The following STAT4 variants were observed in gnomAD, a reference collection of about 807,000 sequenced individuals.
The protein encoded by STAT4 is signal transducer and activator of transcription 4.
In STAT4, 42 loss-of-function variants were observed where a neutral mutation model predicts 110.5. The ratio of observed to expected loss-of-function variants is 0.38; its 90% CI spans 0.30 to 0.49. The LOEUF is 0.49. Ranked by LOEUF, STAT4 falls within the 20% of genes least tolerant of loss-of-function variation. STAT4 has a pLI of 0.95. For missense variants in STAT4, 632 were observed against 887.9 expected (o/e 0.71, Z 3.66); for synonymous variants, 284 against 302.2 (o/e 0.94, Z 0.63).
chr2:191,102,683 G>A (rs1698176484), intron 3 of STAT4, among the ~76,000 whole-genome samples: 1 of 152,148 alleles, frequency 6.6e-6, no homozygotes, highest in Admixed American at 6.6e-5. Flanking sequence ...TGGAGTAAAA[G>A]TTAAGCTTTT....
rs1698106919 is a variant in STAT4, at chr2:191,099,769, G to A, written c.274-23444C>T. ...CGGATGTCTTTGAAGGTAGTGGTGT[G>A]GATGGAGGTAAGGAAAAAAGAAGTG... is the stretch of plus-strand genomic sequence containing the variant. On this transcript the variant is annotated intron_variant, in intron 3 of 23. Coordinates refer to ENST00000392320, the MANE Select transcript of STAT4 (RefSeq NM_003151.4). The surrounding 1 kb of genome is among the most constrained non-coding windows in gnomAD (Gnocchi z 4.1). Among the ~76,000 whole-genome samples the A allele has an allele frequency of 6.6e-6, 1 of 151,082 alleles. No homozygotes were observed. The highest frequency in any genetic ancestry group is 2.1e-4 in the South Asian group (1 of 4,750).
chr2:191,127,982 A>C (rs1003618948), intron 3 of STAT4, among the ~76,000 whole-genome samples: 7 of 152,208 alleles, frequency 4.6e-5, no homozygotes, highest in African/African-American at 1.4e-4. Flanking sequence ...TTGGATTTCA[A>C]CTTAGTGCGA....
chr2:191,106,535 A>G (rs1209967200), intron 3 of STAT4, among the ~76,000 whole-genome samples: 3 of 151,988 alleles, frequency 2.0e-5, no homozygotes, highest in African/African-American at 7.2e-5. Context: ...GCATGCCTGT[A>G]GTTCCAGCTA....
chr2:191,123,633 CACTT>C (rs1444742229), intron 3 of STAT4, among the ~76,000 whole-genome samples: 2 of 152,210 alleles, frequency 1.3e-5, no homozygotes, highest in East Asian at 1.9e-4. Flanking sequence ...ATGCTCAAAA[CACTT>C]ACACTAGCCT....
chr2:191,131,236 C>T (rs1034393684), intron 3 of STAT4, among the ~76,000 whole-genome samples: 3 of 151,830 alleles, frequency 2.0e-5, no homozygotes, highest in South Asian at 2.1e-4. Flanking sequence ...GAATTTCTTA[C>T]ATATGTGCCC....
In STAT4 at chr2:191,029,643, C is replaced by T; in HGVS notation, c.*197G>A. 3 of 564,036 alleles carry T rather than the reference C, an allele frequency of 5.3e-6. No individual in the cohort carries two copies. The highest frequency in any genetic ancestry group is 6.2e-6 in the Non-Finnish European group (2 of 324,416). 34.9% of individuals were successfully genotyped at this position (564,036 alleles called of 1,614,324 possible). A position where few individuals can be genotyped will look rare whatever the true frequency, so the allele number is the denominator to read the frequency against. On this transcript the variant is annotated 3_prime_UTR_variant, in exon 24 of 24. Coordinates refer to ENST00000392320, the MANE Select transcript of STAT4 (RefSeq NM_003151.4). The surrounding 1 kb of genome is among the most constrained non-coding windows in gnomAD (Gnocchi z 4.5). The stretch of plus-strand genomic sequence containing the variant: ...TCTTATCTTGCAAGTTTATCTGAAG[C>T]TTTGGTTTCAAGCATTTCAGTCACA...
intron 6 of STAT4, 135 bp downstream of exon 6, chr2:191,069,558 C>G: frequency 5.9e-6 from 4 of 682,674 alleles, no homozygotes; most frequent in Non-Finnish European, 2.5e-6. Flanking sequence ...AGAAGCAAAA[C>G]AAGAAAATAC....
Position 191,079,683 on chromosome 2 carries a change from T to A in STAT4, c.274-3358A>T, listed in dbSNP as rs570624009. ...ATCTAACTTCCATCAGGATTTCATCTTTGTCCTAAGGTGACTTATTTAAAA... is the reference window on the plus strand; with the variant it reads ...ATCTAACTTCCATCAGGATTTCATCATTGTCCTAAGGTGACTTATTTAAAA... On this transcript the variant is annotated intron_variant, in intron 3 of 23. Coordinates refer to ENST00000392320, the MANE Select transcript of STAT4 (RefSeq NM_003151.4). Among the ~76,000 whole-genome samples the A allele has an allele frequency of 2.0e-5, 3 of 152,210 alleles. No individual in the cohort carries two copies. The South Asian group carries it at 6.2e-4, about 32-fold the overall frequency.
rs963619331 is a variant in STAT4, at chr2:191,138,083, G to A, written c.273+8530C>T. 1.3e-5 allele frequency among the ~76,000 whole-genome samples: 2 copies of A among 152,106 alleles called. No homozygotes were observed. Among genetic ancestry groups the A allele is most frequent in the Admixed American group, 1.3e-4 (2 of 15,274 alleles). On this transcript the variant is annotated intron_variant, in intron 3 of 23. Coordinates refer to ENST00000392320, the MANE Select transcript of STAT4 (RefSeq NM_003151.4). The surrounding 1 kb of genome is among the most constrained non-coding windows in gnomAD (Gnocchi z 4.3). The stretch of plus-strand genomic sequence containing the variant: ...AGAGTGAAGAGACAATCTGCTGAAT[G>A]GGAGAAAATATTTGCAAACTATTCA...
Position 191,116,430 on chromosome 2 carries a change from G to T in STAT4, c.273+30183C>A, listed in dbSNP as rs112564773. On this transcript the variant is annotated intron_variant, in intron 3 of 23. Transcript: ENST00000392320. This position sits in a 1 kb window ranked among gnomAD's most constrained non-coding sequence, Gnocchi z 4.1. ...AATAGCCCAAGGAAAGTTGAGAAAT[G>T]CTAATTCAAGTTAGAAAGAAATACC... Among the ~76,000 whole-genome samples, 3 of 152,270 alleles carry T rather than the reference G, an allele frequency of 2.0e-5. No individual in the cohort carries two copies. Among genetic ancestry groups the T allele is most frequent in the African/African-American group, 7.2e-5 (3 of 41,556 alleles).
rs937094875 is a variant in STAT4 at position 191,083,413 on chromosome 2, G to A, written c.274-7088C>T. Among the ~76,000 whole-genome samples the A allele has an allele frequency of 4.6e-5, 7 of 152,168 alleles. No individual in the cohort carries two copies. The highest frequency in any genetic ancestry group is 7.2e-5 in the African/African-American group (3 of 41,430). ...AATGAAAAAAGATGGGATACTGGCCGTTGGATTTCTACTTGACTAAACTAA... is the reference window on the plus strand; with the variant it reads ...AATGAAAAAAGATGGGATACTGGCCATTGGATTTCTACTTGACTAAACTAA... On this transcript the variant is annotated intron_variant, in intron 3 of 23. Transcript: ENST00000392320. The surrounding 1 kb of genome is among the most constrained non-coding windows in gnomAD (Gnocchi z 4.6).
chr2:191,065,984 C>G (rs1479389639), intron 7 of STAT4, among the ~76,000 whole-genome samples: 2 of 152,124 alleles, frequency 1.3e-5, no homozygotes, highest in African/African-American at 4.8e-5. Flanking sequence ...ATTTTGAAAT[C>G]TAGGAAATTG....
chr2:191,105,113 A>T (rs1006103168), intron 3 of STAT4, among the ~76,000 whole-genome samples: 1 of 152,222 alleles, frequency 6.6e-6, no homozygotes, highest in African/African-American at 2.4e-5. Flanking sequence ...TCAAAGTCTA[A>T]CACTGTGATA....
Position 191,091,868 on chromosome 2 carries a change from G to A in STAT4, c.274-15543C>T, listed in dbSNP as rs1479041794. Among the ~76,000 whole-genome samples the A allele has an allele frequency of 6.6e-6, 1 of 152,118 alleles. No homozygotes were observed. The highest frequency in any genetic ancestry group is 2.4e-5 in the African/African-American group (1 of 41,402). Reference sequence around the variant, plus strand: ...TAACCATCAAGTTCATTGTCTCTAAGCTGAAGGGAGGAGAACTTGTCTTAT... The same window carrying A: ...TAACCATCAAGTTCATTGTCTCTAAACTGAAGGGAGGAGAACTTGTCTTAT... On this transcript the variant is annotated intron_variant, in intron 3 of 23. Transcript: ENST00000392320. This position sits in a 1 kb window ranked among gnomAD's most constrained non-coding sequence, Gnocchi z 5.4.
At position 191,050,420 on chromosome 2, in the gene STAT4, G is replaced by C. The variant is rs1309090980; in HGVS notation, c.1251+4070C>G. On this transcript the variant is annotated intron_variant, in intron 14 of 23. Transcript: ENST00000392320. This position sits in a 1 kb window ranked among gnomAD's most constrained non-coding sequence, Gnocchi z 4.3. ...CAGTGATTGCTAAAGTTGATTTTAT[G>C]ATAGCGTGTCTACAGATTCCTCAAG... Among the ~76,000 whole-genome samples, 1 of 152,202 alleles carries C rather than the reference G, an allele frequency of 6.6e-6. No individual in the cohort carries two copies. Among genetic ancestry groups the C allele is most frequent in the Admixed American group, 6.5e-5 (1 of 15,278 alleles).
chr2:191,133,641 T>A (rs1297643445), intron 3 of STAT4, among the ~76,000 whole-genome samples: 1 of 151,802 alleles, frequency 6.6e-6, no homozygotes, highest in African/African-American at 2.4e-5. Flanking sequence ...GTTGCTTTAA[T>A]TTTAAAAAAT....
chr2:191,126,960 C>G (rs367646767), intron 3 of STAT4, among the ~76,000 whole-genome samples: 1 of 152,080 alleles, frequency 6.6e-6, no homozygotes, highest in East Asian at 1.9e-4. Flanking sequence ...GCTGAGTCTA[C>G]AGGCACACAC....
intron 17 of STAT4, among the ~76,000 whole-genome samples, chr2:191,034,856 A>G (rs1288038158): frequency 6.6e-6 from 1 of 152,190 alleles, no homozygotes; most frequent in Non-Finnish European, 1.5e-5. Flanking sequence ...TAGGATATGT[A>G]TGGGTAGAAT....
intron 13 of STAT4, among the ~76,000 whole-genome samples, 165 bp from the exon 14 acceptor site, chr2:191,054,699 G>A (rs565796514): frequency 6.6e-6 from 1 of 152,332 alleles, no homozygotes; most frequent in South Asian, 2.1e-4. Flanking sequence ...AGATTTGACA[G>A]AGAGGAGTTT....
Sources: allele counts gnomAD v4.1 joint callset (sites outside exome capture counted in the v4.1 genomes callset), GRCh38; gene constraint gnomAD v4.1.1; non-coding constraint Gnocchi (gnomAD v3.1); transcripts MANE v1.5; gene names NCBI Gene and HGNC (gene_info 2026-07-23, HGNC 2026-07-21).